CCNA1: variants seen among roughly 807,000 people sequenced by gnomAD.
CCNA1 encodes the protein cyclin A1, also known as cyclin-A1.
A neutral mutation model predicts 54.1 loss-of-function variants in CCNA1; 23 were observed. The ratio of observed to expected loss-of-function variants is 0.42; its 90% CI spans 0.31 to 0.60. CCNA1 has a LOEUF of 0.60. Among genes scored for constraint, CCNA1 ranks in the 20% least tolerant of loss-of-function variants. CCNA1 has a pLI of 0.14. For synonymous variants in CCNA1, 208 were observed against 213.9 expected, an observed-to-expected ratio of 0.97 and a Z score of 0.24; for missense variants, 450 against 556.7, an observed-to-expected ratio of 0.81 and a Z score of 1.93.
At chr13:36,438,428 A>G (rs997864258) in intron 4 of CCNA1, among the ~76,000 whole-genome samples, 2 of 152,078 alleles carry the variant, frequency 1.3e-5, no homozygotes, top group African/African-American at 4.8e-5. Flanking sequence ...TCATATTGCC[A>G]TTCTCCCCTG....
chr13:36,438,332 G>A (rs1404820225), intron 4 of CCNA1, 141 bp downstream of exon 4: 6 of 779,238 alleles, frequency 7.7e-6, no homozygotes, highest in Non-Finnish European at 1.2e-5. Flanking sequence ...AAAAATAATA[G>A]TTGTGATGGC....
intron 8 of CCNA1, 74 bp from the exon 9 acceptor site, chr13:36,442,540 G>C: frequency 6.7e-7 from 1 of 1,503,206 alleles, no homozygotes; most frequent in East Asian, 2.3e-5. Context: ...CTACTGGAAA[G>C]TTTTCTGTGA....
intron 8 of CCNA1, 81 bp from the exon 9 acceptor site, chr13:36,442,533 C>G: frequency 7.0e-7 from 1 of 1,418,546 alleles, no homozygotes; most frequent in South Asian, 1.2e-5. Context: ...GTTAAAACTA[C>G]TGGAAAGTTT....
At chr13:36,434,015 CTG>C (rs1292053135) in intron 2 of CCNA1, among the ~76,000 whole-genome samples, 3 of 152,182 alleles carry the variant, frequency 2.0e-5, no homozygotes, top group African/African-American at 7.2e-5. Flanking sequence ...TCCAAATAAA[CTG>C]TGGAACTGGG....
At position 36,434,837 on chromosome 13, in the gene CCNA1, C is replaced by T. The variant is rs79521375; in HGVS notation, c.297+1616C>T. On this transcript the variant is annotated intron_variant, in intron 2 of 8. Coordinates refer to ENST00000255465, the MANE Select transcript of CCNA1 (RefSeq NM_003914.4). ...CTGTCATGAGAGGTGCCCCCCCCCC[C>T]GCGCCATGCGTACAATATACTCGTG... Among the ~76,000 whole-genome samples, 26 of 150,762 alleles carry T rather than the reference C, an allele frequency of 1.7e-4. No homozygotes were observed. In the South Asian group the frequency reaches 4.8e-3, roughly 28 times the overall value.
intron 2 of CCNA1, among the ~76,000 whole-genome samples, chr13:36,435,117 T>G (rs1192112386): frequency 6.6e-6 from 1 of 152,216 alleles, no homozygotes; most frequent in Non-Finnish European, 1.5e-5. Flanking sequence ...TTGTTAGTTT[T>G]CCAATATCAA....
chr13:36,438,073 C>T lies in CCNA1; in HGVS notation c.551C>T (p.Pro184Leu). The change falls in exon 4 of 9, where the codon CCT (proline) becomes CTT (leucine). Residue 184 changes from proline to leucine, a missense_variant. By Grantham distance (98) the Pro-to-Leu change is moderately conservative. This residue lies in a region of CCNA1 where 103 missense variants were observed against 92.9 expected (regional missense o/e 1.11). Transcript: ENST00000255465. Reference sequence around the variant, plus strand: ...CAGTGTTGAACTCTTGCAGTTTCCCCTATGCTGGTAGATTCATCTCTCCTC... The same window carrying T: ...CAGTGTTGAACTCTTGCAGTTTCCCTTATGCTGGTAGATTCATCTCTCCTC... The T allele has an allele frequency of 6.2e-7, 1 of 1,613,192 alleles. No homozygotes were observed. The highest frequency in any genetic ancestry group is 1.1e-5 in the South Asian group (1 of 90,828).
rs768692826 is a variant in CCNA1 at position 36,437,677 on chromosome 13, C to T, written c.346C>T (p.Pro116Ser). ...TTCTGGATCAGAAAATGCCTTCCCT[C>T]CAGCTGGAAAGAAAGCACTCCCTGA... Residue 116 changes from proline to serine, a missense_variant, in exon 3 of 9, where the codon CCA (proline) becomes TCA (serine). Pro to Ser is a moderately conservative substitution (Grantham distance 74). Coordinates refer to ENST00000255465, the MANE Select transcript of CCNA1 (RefSeq NM_003914.4). 4 of 1,614,008 alleles carry T rather than the reference C, an allele frequency of 2.5e-6. No homozygotes were observed. The highest frequency in any genetic ancestry group is 1.1e-5 in the South Asian group (1 of 91,082).
In CCNA1 at chr13:36,441,119, A is replaced by G; in HGVS notation, c.1100A>G (p.Tyr367Cys). ...TGTGTTTTCTTCTCTTGTGCTTAGT[A>G]CGTAGCAGAGCTGAGTCTACTTGAA... Residue 367 changes from tyrosine (Y) to cysteine (C), a missense_variant and splice_region_variant, in exon 7 of 9, where the codon TAC becomes TGC. Tyr to Cys is a radical substitution (Grantham distance 194, BLOSUM62 -2). Around this residue, in one of 6 missense-constraint regions of CCNA1, gnomAD observed 150 missense variants for 219.7 expected, o/e 0.68. Coordinates refer to ENST00000255465, the MANE Select transcript of CCNA1 (RefSeq NM_003914.4). 5.8e-6 allele frequency: 9 copies of G among 1,554,726 alleles called. No individual in the cohort carries two copies. Among genetic ancestry groups the G allele is most frequent in the Non-Finnish European group, 7.1e-6 (8 of 1,127,556 alleles).
chr13:36,440,290 C>A (rs551034520), intron 6 of CCNA1, 107 bp downstream of exon 6: 2 of 1,013,086 alleles, frequency 2.0e-6, no homozygotes, highest in African/African-American at 1.6e-5. Context: ...TTTCTTCCCA[C>A]AGGCCCAGAA....
In CCNA1 at chr13:36,438,694, G is replaced by A. The variant is rs61755283; in HGVS notation, c.720G>A (p.Thr240=). The A allele has an allele frequency of 9.8e-4, 1,577 of 1,614,076 alleles. 6 individuals carry two copies. Among genetic ancestry groups the A allele is most frequent in the Middle Eastern group, 7.6e-3 (46 of 6,040 alleles). Residue 240 remains threonine (T), a synonymous_variant, in exon 5 of 9, where the codon ACG becomes ACA. Coordinates refer to ENST00000255465, the MANE Select transcript of CCNA1 (RefSeq NM_003914.4). ...ACATGAAGAAGCAGCCAGACATCAC[G>A]GAAGGCATGCGCACGATTCTGGTGG...
chr13:36,442,147 A>AT lies in CCNA1; in HGVS notation c.1213-17dup, dbSNP rs777222169. 2.5e-6 allele frequency: 4 copies of AT among 1,595,370 alleles called. No individual in the cohort carries two copies. The African/African-American group carries it at 4.0e-5, about 16-fold the overall frequency. On this transcript the variant is annotated intron_variant, in intron 7 of 8. Coordinates refer to ENST00000255465, the MANE Select transcript of CCNA1 (RefSeq NM_003914.4). Reference sequence around the variant, plus strand: ...ATCTAATATAAAGTTATGTGAAGCAATTTTTTTCTTTTGTCTTGATTAGCC... The same window carrying AT: ...ATCTAATATAAAGTTATGTGAAGCAATTTTTTTTCTTTTGTCTTGATTAGCC...
At chr13:36,434,916 T>G (rs2055783591) in intron 2 of CCNA1, among the ~76,000 whole-genome samples, 1 of 150,888 alleles carries the variant, frequency 6.6e-6, no homozygotes, top group African/African-American at 2.4e-5. Flanking sequence ...CTCTCATGAG[T>G]TTTTTCTTTT....
chr13:36,435,538 C>G (rs1326863499), intron 2 of CCNA1, among the ~76,000 whole-genome samples: 2 of 152,172 alleles, frequency 1.3e-5, no homozygotes, highest in African/African-American at 4.8e-5. Flanking sequence ...TTGTAGAACA[C>G]CACTCTCTCC....
At position 36,438,630 on chromosome 13, in the gene CCNA1, C is replaced by A. The variant is rs2055837218; in HGVS notation, c.670-14C>A. 3.1e-6 allele frequency: 5 copies of A among 1,600,540 alleles called. No homozygotes were observed. The Admixed American group carries it at 6.7e-5, about 21-fold the overall frequency. On this transcript the variant is annotated splice_polypyrimidine_tract_variant and intron_variant, in intron 4 of 8. Transcript: ENST00000255465. ...AATTGCAACTACTAAATATCAAAACCTTTTCCCAATCAGATAAGGCACAGA... is the reference window on the plus strand; with the variant it reads ...AATTGCAACTACTAAATATCAAAACATTTTCCCAATCAGATAAGGCACAGA...
chr13:36,440,065 T>C lies in CCNA1; in HGVS notation c.980T>C (p.Met327Thr), dbSNP rs1379342947. ...TACACAAAACGACAACTGTTAAAAATGGAACACTTGCTTCTGAAAGTTCTA... is the reference window on the plus strand; with the variant it reads ...TACACAAAACGACAACTGTTAAAAACGGAACACTTGCTTCTGAAAGTTCTA... Residue 327 changes from methionine (M) to threonine (T), a missense_variant, in exon 6 of 9, where the codon ATG becomes ACG. This residue lies in a region of CCNA1 where 150 missense variants were observed against 219.7 expected (regional missense o/e 0.68). Coordinates refer to ENST00000255465, the MANE Select transcript of CCNA1 (RefSeq NM_003914.4). 2 of 1,613,832 alleles carry C rather than the reference T, an allele frequency of 1.2e-6. No individual in the cohort carries two copies. Among genetic ancestry groups the C allele is most frequent in the Non-Finnish European group, 1.7e-6 (2 of 1,179,820 alleles).
chr13:36,442,350 A>T lies in CCNA1; in HGVS notation c.1346+46A>T, dbSNP rs1337110845. On this transcript the variant is annotated intron_variant, in intron 8 of 8. Coordinates refer to ENST00000255465, the MANE Select transcript of CCNA1 (RefSeq NM_003914.4). The stretch of plus-strand genomic sequence containing the variant: ...TATCTTAGCTCTCTATTTAAAGCTT[A>T]ATGGGTTATAGTAATGGTTACTAGA... 1.9e-6 allele frequency: 3 copies of T among 1,592,108 alleles called. No homozygotes were observed. In the South Asian group the frequency reaches 3.3e-5, roughly 18 times the overall value.
intron 2 of CCNA1, among the ~76,000 whole-genome samples, chr13:36,434,851 A>G (rs2055782691): frequency 7.0e-6 from 1 of 142,378 alleles, no homozygotes; most frequent in Admixed American, 7.0e-5. Context: ...CCATGCGTAC[A>G]ATATACTCGT....
At position 36,438,094 on chromosome 13, in the gene CCNA1, T is replaced by A. The variant is rs779154163; in HGVS notation, c.572T>A (p.Leu191His). The change falls in exon 4 of 9, where the codon CTC becomes CAC. Residue 191 changes from leucine (L) to histidine (H), a missense_variant. Leu to His is a moderately conservative substitution (Grantham distance 99, BLOSUM62 -3). Coordinates refer to ENST00000255465, the MANE Select transcript of CCNA1 (RefSeq NM_003914.4). ...TCCCCTATGCTGGTAGATTCATCTC[T>A]CCTCTCCCAGTCTGAAGATATATCC... The A allele has an allele frequency of 1.9e-6, 3 of 1,613,328 alleles. No homozygotes were observed. The highest frequency in any genetic ancestry group is 2.5e-6 in the Non-Finnish European group (3 of 1,179,354).
Sources: gnomAD v4.1 joint callset for allele counts (sites outside exome capture counted in the v4.1 genomes callset) on GRCh38, gnomAD v4.1.1 for gene constraint, gnomAD v4.1.1 regional missense constraint, MANE v1.5 for transcripts, NCBI Gene and HGNC (gene_info 2026-07-23, HGNC 2026-07-21) for gene names.